The following GLB1 variants were observed in gnomAD, a reference collection of about 807,000 sequenced individuals.
GLB1 encodes galactosidase beta 1.
In GLB1, 56 loss-of-function variants were observed where a neutral mutation model predicts 74.0. The observed-to-expected ratio is 0.76, with a 90% CI of 0.61 to 0.94. GLB1 has a LOEUF of 0.94. GLB1 is among the 40% of genes least tolerant of loss of function. The pLI, the probability that GLB1 is intolerant of heterozygous loss-of-function variation, is 0.00. For missense variants in GLB1, 787 were observed against 845.5 expected (o/e 0.93, Z 0.86); for synonymous variants, 323 against 323.6 (o/e 1.00, Z 0.02).
At chr3:32,982,710 C>T in the GLB1 span, among the ~76,000 whole-genome samples, 36 of 152,156 alleles carry the variant, frequency 2.4e-4, no homozygotes, top group African/African-American at 7.5e-4. Flanking sequence ...AGGTTTACCA[C>T]TCTATTTGCT....
intron 5 of GLB1, among the ~76,000 whole-genome samples, chr3:33,064,776 C>CAA (rs36181668): frequency 0.1 from 6,678 of 64,490 alleles, 1,393 homozygotes; most frequent in African/African-American, 0.37. Context: ...GACTCTCTCT[C>CAA]AAAAAAAAAA....
chr3:33,060,573 C>A (rs1402987413), intron 5 of GLB1, among the ~76,000 whole-genome samples: 1 of 152,180 alleles, frequency 6.6e-6, no homozygotes, highest in Non-Finnish European at 1.5e-5. Flanking sequence ...CTTGAGCTCA[C>A]CCCCATGCCC....
intron 10 of GLB1, among the ~76,000 whole-genome samples, chr3:33,027,908 T>A (rs1336220037): frequency 6.6e-6 from 1 of 152,192 alleles, no homozygotes; most frequent in East Asian, 1.9e-4. Flanking sequence ...AAAATTATCA[T>A]TTTTTATTAT....
the GLB1 span, among the ~76,000 whole-genome samples, chr3:32,987,356 C>T: frequency 1.3e-5 from 2 of 152,266 alleles, no homozygotes; most frequent in Non-Finnish European, 2.9e-5. Context: ...ATAGCAGAAT[C>T]ATGAACTAAA....
rs149869774 is a variant in GLB1 at position 33,020,341 on chromosome 3, G to C, written c.1233+1225C>G. Reference sequence around the variant, plus strand: ...TTACTGTTCAGACTCCTTCCAGAAGGTGGTTGCCACAGAAAATCAGAAAGG... The same window carrying C: ...TTACTGTTCAGACTCCTTCCAGAAGCTGGTTGCCACAGAAAATCAGAAAGG... On this transcript the variant is annotated intron_variant, in intron 12 of 15. Transcript: ENST00000307363. Among the ~76,000 whole-genome samples, 659 of 152,304 alleles carry C rather than the reference G, an allele frequency of 4.3e-3. 5 individuals carry two copies. Among genetic ancestry groups the C allele is most frequent in the African/African-American group, 0.015 (603 of 41,556 alleles).
chr3:32,999,949 CCTTTTT>C (rs369883187), intron 15 of GLB1, among the ~76,000 whole-genome samples: 354 of 151,908 alleles, frequency 2.3e-3, no homozygotes, highest in Middle Eastern at 6.8e-3. Flanking sequence ...CCATGCCTGG[CCTTTTT>C]CTTTTTCTTT....
chr3:32,970,480 C>T, the GLB1 span, among the ~76,000 whole-genome samples: 1 of 152,094 alleles, frequency 6.6e-6, no homozygotes, highest in Non-Finnish European at 1.5e-5. Flanking sequence ...GCAAAAGATG[C>T]ATGGCTAGGT....
intron 11 of GLB1, among the ~76,000 whole-genome samples, chr3:33,023,699 G>A (rs575239692): frequency 6.6e-6 from 1 of 151,748 alleles, no homozygotes; most frequent in Non-Finnish European, 1.5e-5. Context: ...CTTCTTTTTC[G>A]CTTTTCCTAG....
At chr3:33,043,082 A>G (rs1035581607) in intron 10 of GLB1, among the ~76,000 whole-genome samples, 7 of 152,226 alleles carry the variant, frequency 4.6e-5, no homozygotes, top group African/African-American at 7.2e-5. Flanking sequence ...AATAACATAC[A>G]AATCAAGAGG....
At chr3:33,042,965 G>C (rs1447618177) in intron 10 of GLB1, among the ~76,000 whole-genome samples, 2 of 152,190 alleles carry the variant, frequency 1.3e-5, no homozygotes, top group African/African-American at 2.4e-5. Flanking sequence ...TGGGTCAAGT[G>C]AAATACTATC....
intron 7 of GLB1, 31 bp downstream of exon 7, chr3:33,053,460 T>C (rs1198254042): frequency 6.2e-7 from 1 of 1,614,156 alleles, no homozygotes; most frequent in East Asian, 2.2e-5. Flanking sequence ...TCTTAACAGC[T>C]GCAAACACAC....
At chr3:33,049,307 T>C (rs1367834609) in intron 9 of GLB1, among the ~76,000 whole-genome samples, 1 of 149,784 alleles carries the variant, frequency 6.7e-6, no homozygotes, top group Non-Finnish European at 1.5e-5. Flanking sequence ...TTTCCTTTTT[T>C]TTAATTTAAT....
intron 15 of GLB1, among the ~76,000 whole-genome samples, chr3:33,000,510 TG>T (rs1247734812): frequency 6.6e-6 from 1 of 152,112 alleles, no homozygotes. Flanking sequence ...GCAAATCACT[TG>T]GGGTCAGGAG....
Position 33,065,498 on chromosome 3 carries a change from G to A in GLB1, c.517C>T (p.Leu173Phe). Residue 173 changes from leucine (L) to phenylalanine (F), a missense_variant, in exon 5 of 16, where the codon CTC becomes TTC. Physicochemically the swap from Leu to Phe is conservative, Grantham distance 22. Coordinates refer to ENST00000307363, the MANE Select transcript of GLB1 (RefSeq NM_000404.4). ...GVLLPKMKPL[L>F]YQNGGPVITV... ...ATAACTGGCCCTCCATTCTGATAGA[G>A]GAGAGGCTTCATCTTGGGCAGAAGG... The A allele has an allele frequency of 6.3e-7, 1 of 1,586,882 alleles. No individual in the cohort carries two copies. Among genetic ancestry groups the A allele is most frequent in the South Asian group, 1.1e-5 (1 of 87,760 alleles).
the GLB1 span, among the ~76,000 whole-genome samples, chr3:32,982,758 ATCT>A: frequency 6.6e-5 from 10 of 152,150 alleles, no homozygotes; most frequent in Non-Finnish European, 1.3e-4. Context: ...TTCTAGAATC[ATCT>A]TCTTTCTGAC....
Position 33,093,369 on chromosome 3 carries a change from C to A in GLB1, c.75+3642G>T, listed in dbSNP as rs1700855205. 6.2e-7 allele frequency: 1 copy of A among 1,614,024 alleles called. No individual in the cohort carries two copies. The highest frequency in any genetic ancestry group is 8.5e-7 in the Non-Finnish European group (1 of 1,180,034). On this transcript the variant is annotated intron_variant, in intron 1 of 15. Transcript: ENST00000307363. The surrounding 1 kb of genome is among the most constrained non-coding windows in gnomAD (Gnocchi z 6.0). ...ATCTGACGTGTAGTACTCATGATTGCCTGTGACGAAGTAGGCACCGAGATG... is the reference window on the plus strand; with the variant it reads ...ATCTGACGTGTAGTACTCATGATTGACTGTGACGAAGTAGGCACCGAGATG...
chr3:32,984,048 T>A, the GLB1 span, among the ~76,000 whole-genome samples: 2 of 152,192 alleles, frequency 1.3e-5, no homozygotes, highest in African/African-American at 4.8e-5. Flanking sequence ...TATTCCAAGA[T>A]AATTTTGAGT....
At chr3:33,035,102 T>C (rs545232450) in intron 10 of GLB1, among the ~76,000 whole-genome samples, 41 of 151,770 alleles carry the variant, frequency 2.7e-4, no homozygotes, top group Non-Finnish European at 5.2e-4. Flanking sequence ...ATGGTAGAAG[T>C]TTCAAGCAGT....
chr3:32,963,662 A>G, the GLB1 span, among the ~76,000 whole-genome samples: 1 of 152,216 alleles, frequency 6.6e-6, no homozygotes, highest in African/African-American at 2.4e-5. Flanking sequence ...GGTGCCATTA[A>G]AAAGAATAAC....
Sources: gnomAD v4.1 joint callset for allele counts (sites outside exome capture counted in the v4.1 genomes callset) on GRCh38, gnomAD v4.1.1 for gene constraint, Gnocchi (gnomAD v3.1) non-coding constraint, MANE v1.5 for transcripts, NCBI Gene and HGNC (gene_info 2026-07-23, HGNC 2026-07-21) for gene names.